The following PCDHA8 variants were observed in gnomAD, a reference collection of about 807,000 sequenced individuals.
PCDHA8 encodes protocadherin alpha 8.
In PCDHA8, 53 loss-of-function variants were observed where a neutral mutation model predicts 61.8. The ratio of observed to expected loss-of-function variants is 0.86; its 90% CI spans 0.69 to 1.08. PCDHA8 has a LOEUF of 1.08. Ranked by LOEUF, PCDHA8 falls within the 50% of genes least tolerant of loss-of-function variation. The probability of loss-of-function intolerance (pLI) is 0.00; values close to 1 mark genes in which losing one functional copy is unlikely to be tolerated. For synonymous variants in PCDHA8, 618 were observed against 556.6 expected (o/e 1.11, Z -1.55); for missense variants, 1,293 against 1,245.0 (o/e 1.04, Z -0.58).
chr5:140,933,306 G>A (rs1159375359), intron 1 of PCDHA8, among the ~76,000 whole-genome samples: 1 of 151,920 alleles, frequency 6.6e-6, no homozygotes, highest in African/African-American at 2.4e-5. Context: ...AAATAAATAT[G>A]CAATCTCGTA....
chr5:140,910,200 A>C (rs1471024317), intron 1 of PCDHA8, among the ~76,000 whole-genome samples: 1 of 152,200 alleles, frequency 6.6e-6, no homozygotes, highest in East Asian at 1.9e-4. Flanking sequence ...TCTTTTGTCC[A>C]CTTGACCTGG....
At chr5:140,946,452 T>C (rs2093945325) in intron 1 of PCDHA8, among the ~76,000 whole-genome samples, 1 of 151,436 alleles carries the variant, frequency 6.6e-6, no homozygotes. Flanking sequence ...AAAACAACTA[T>C]CCAGCAATCC....
Position 140,849,847 on chromosome 5 carries a change from A to G in PCDHA8, c.2394+6132A>G, listed in dbSNP as rs2150453307. 2.4e-5 allele frequency: 39 copies of G among 1,598,408 alleles called. 5 individuals are homozygous for G. In the South Asian group the frequency reaches 2.8e-4, roughly 11 times the overall value. On this transcript the variant is annotated intron_variant, in intron 1 of 3. Transcript: ENST00000531613. ...GTGGAGGTGGCCGACGTGAACGACA[A>G]CGCACCAGCGTTCGCGCAGTCCGAG...
intron 1 of PCDHA8, among the ~76,000 whole-genome samples, chr5:140,925,696 A>G (rs2153579068): frequency 6.6e-6 from 1 of 150,926 alleles, no homozygotes; most frequent in African/African-American, 2.4e-5. Context: ...GTGGGTATCT[A>G]GCCTATTCTT....
At chr5:140,967,970 C>T (rs2096204544) in intron 1 of PCDHA8, 2 of 1,614,202 alleles carry the variant, frequency 1.2e-6, no homozygotes, top group South Asian at 2.2e-5. Context: ...GAAAGTGAGC[C>T]TGGGTCTGGA....
chr5:140,926,539 G>A (rs910445315), intron 1 of PCDHA8: 2 of 216,944 alleles, frequency 9.2e-6, no homozygotes, highest in Non-Finnish European at 1.8e-5. Flanking sequence ...AGCCAGCGTG[G>A]TGGTCGAGAC....
chr5:140,970,018 C>G (rs1383957568), intron 1 of PCDHA8, among the ~76,000 whole-genome samples: 9 of 151,942 alleles, frequency 5.9e-5, no homozygotes, highest in African/African-American at 2.2e-4. Context: ...GATGGTGAGG[C>G]AGAGAGATTA....
At chr5:140,871,080 G>T (rs1554165086) in intron 1 of PCDHA8, 2 of 1,613,094 alleles carry the variant, frequency 1.2e-6, no homozygotes, top group Admixed American at 1.7e-5. Context: ...CGGCGCTGAC[G>T]GCCACGGCCA....
intron 1 of PCDHA8, among the ~76,000 whole-genome samples, chr5:140,875,029 T>C (rs1288139866): frequency 6.6e-6 from 1 of 152,256 alleles, no homozygotes; most frequent in Non-Finnish European, 1.5e-5. Flanking sequence ...TGGCCTACTG[T>C]ATTTGAAAGA....
intron 1 of PCDHA8, among the ~76,000 whole-genome samples, chr5:140,934,524 G>A (rs181182103): frequency 4.4e-4 from 67 of 152,192 alleles, no homozygotes; most frequent in Admixed American, 3.1e-3. Context: ...ACCACACTTC[G>A]AGAGCTACCG....
chr5:140,889,662 C>T (rs1397086074), intron 1 of PCDHA8, among the ~76,000 whole-genome samples: 1 of 151,946 alleles, frequency 6.6e-6, no homozygotes, highest in Admixed American at 6.6e-5. Context: ...GTCCTCTTCC[C>T]AGCCTTTTAT....
At chr5:140,897,175 G>A (rs1293904744) in intron 1 of PCDHA8, among the ~76,000 whole-genome samples, 3 of 151,828 alleles carry the variant, frequency 2.0e-5, no homozygotes, top group Admixed American at 6.6e-5. Flanking sequence ...ATCTCCATGG[G>A]TTCAAAAAAT....
chr5:140,923,133 G>T (rs1177084353), intron 1 of PCDHA8, among the ~76,000 whole-genome samples: 3 of 152,082 alleles, frequency 2.0e-5, no homozygotes, highest in African/African-American at 7.2e-5. Context: ...ACACTTTGAA[G>T]GTGGAATATA....
In PCDHA8 at chr5:140,968,269, T is replaced by C. The variant is rs558051125; in HGVS notation, c.2395-10680T>C. On this transcript the variant is annotated intron_variant, in intron 1 of 3. Coordinates refer to ENST00000531613, the MANE Select transcript of PCDHA8 (RefSeq NM_018911.3). ...CCACAGACCCAGATGAAAAGGAGAATGCAGAGGTGACCTACTCCCTTCTGG... is the reference window on the plus strand; with the variant it reads ...CCACAGACCCAGATGAAAAGGAGAACGCAGAGGTGACCTACTCCCTTCTGG... 6.9e-5 allele frequency: 112 copies of C among 1,614,074 alleles called. 2 individuals carry two copies. In the South Asian group the frequency reaches 1.1e-3, roughly 16 times the overall value.
At chr5:140,956,629 G>A (rs1554222520) in intron 1 of PCDHA8, among the ~76,000 whole-genome samples, 1 of 152,060 alleles carries the variant, frequency 6.6e-6, no homozygotes, top group Non-Finnish European at 1.5e-5. Flanking sequence ...TTGCATCTCT[G>A]CCAGGTTTTG....
chr5:140,968,942 T>C (rs782129541), intron 1 of PCDHA8: 2 of 1,614,214 alleles, frequency 1.2e-6, no homozygotes, highest in South Asian at 2.2e-5. Context: ...AATCATCATT[T>C]TGAGCATCAT....
chr5:140,844,595 A>G (rs2150372413), intron 1 of PCDHA8, among the ~76,000 whole-genome samples: 1 of 149,668 alleles, frequency 6.7e-6, no homozygotes, highest in East Asian at 1.9e-4. Flanking sequence ...GATATTTAAT[A>G]TATGACTTAG....
chr5:140,961,549 T>C (rs782360372), intron 1 of PCDHA8, among the ~76,000 whole-genome samples: 3 of 152,220 alleles, frequency 2.0e-5, no homozygotes, highest in Non-Finnish European at 4.4e-5. Flanking sequence ...CTGCAGCATT[T>C]CTTTTTTTAA....
Position 141,010,072 on chromosome 5 carries a change from C to T in PCDHA8, c.*135C>T. The T allele has an allele frequency of 3.1e-6, 5 of 1,606,334 alleles. No individual in the cohort carries two copies. The highest frequency in any genetic ancestry group is 4.3e-6 in the Non-Finnish European group (5 of 1,176,104). On this transcript the variant is annotated 3_prime_UTR_variant, in exon 4 of 4. Transcript: ENST00000531613. Reference sequence around the variant, plus strand: ...ACCTCAGAAATCTGCAGAAAGTTCCCTGTGTCTGTCTAGAACGCATTTAAC... The same window carrying T: ...ACCTCAGAAATCTGCAGAAAGTTCCTTGTGTCTGTCTAGAACGCATTTAAC...
Sources: allele counts gnomAD v4.1 joint callset (sites outside exome capture counted in the v4.1 genomes callset), GRCh38; gene constraint gnomAD v4.1.1; transcripts MANE v1.5; gene names NCBI Gene and HGNC (gene_info 2026-07-23, HGNC 2026-07-21).